Variants in VWDE observed in about 807,000 individuals in gnomAD.
The protein encoded by VWDE is von Willebrand factor D and EGF domain-containing protein.
VWDE carries 207 observed loss-of-function variants against 178.4 expected under a neutral mutation model. That is an observed-to-expected ratio of 1.16 (90% confidence interval 1.04 to 1.30). The LOEUF (loss-of-function observed/expected upper bound fraction) is 1.30, where lower values mean the gene tolerates loss of function less well. Among genes scored for constraint, VWDE ranks in the 50% most tolerant of loss-of-function variants. VWDE has a pLI of 0.00. For missense variants in VWDE, 2,287 were observed against 1,901.3 expected, an observed-to-expected ratio of 1.20 and a Z score of -3.77; for synonymous variants, 738 against 651.4, an observed-to-expected ratio of 1.13 and a Z score of -2.02.
At chr7:12,403,601 C>G in intron 1 of VWDE, 58 bp downstream of exon 1, 1 of 1,506,094 alleles carries the variant, frequency 6.6e-7, no homozygotes, top group Non-Finnish European at 8.9e-7. Context: ...AGCCTAGTCC[C>G]TCTACCGCCC....
chr7:12,397,505 G>C (rs1784685851), intron 1 of VWDE, among the ~76,000 whole-genome samples: 1 of 152,070 alleles, frequency 6.6e-6, no homozygotes, highest in African/African-American at 2.4e-5. Context: ...CTGGACATGG[G>C]CCTTGGCAAA....
intron 3 of VWDE, among the ~76,000 whole-genome samples, chr7:12,385,370 A>C (rs1283614724): frequency 3.3e-5 from 5 of 152,352 alleles, no homozygotes; most frequent in Middle Eastern, 3.4e-3. Flanking sequence ...TCGAAGATAG[A>C]GATGATCCTG....
intron 16 of VWDE, among the ~76,000 whole-genome samples, chr7:12,358,384 A>AGG: frequency 6.9e-6 from 1 of 144,254 alleles, no homozygotes; most frequent in African/African-American, 2.8e-5. Flanking sequence ...AAAAAATAAA[A>AGG]GGTGGGGGGG....
At chr7:12,347,660 A>G (rs2128548734) in intron 19 of VWDE, among the ~76,000 whole-genome samples, 1 of 152,258 alleles carries the variant, frequency 6.6e-6, no homozygotes, top group Middle Eastern at 3.4e-3. Context: ...AAGGTAATTT[A>G]TAGATTCAAT....
rs960335071 is a variant in VWDE, at chr7:12,338,006, T to C, written c.4367-734A>G. On this transcript the variant is annotated intron_variant, in intron 24 of 28. Transcript: ENST00000275358. The stretch of plus-strand genomic sequence containing the variant: ...CAAGCCTGTCCAGAAAATTTAAAAT[T>C]TAATTTCTTCCTAAATAATAATTAA... 7.9e-5 allele frequency among the ~76,000 whole-genome samples: 12 copies of C among 152,104 alleles called. 2 individuals are homozygous for C. The highest frequency in any genetic ancestry group is 3.3e-4 in the Admixed American group (5 of 15,264).
chr7:12,362,960 C>T (rs7796884), intron 13 of VWDE, among the ~76,000 whole-genome samples: 30,713 of 151,930 alleles, frequency 0.2, 3,421 homozygotes, highest in Non-Finnish European at 0.25. Flanking sequence ...AGAGATTATT[C>T]CCAACTTTCT....
At chr7:12,347,637 G>C (rs946916976) in intron 19 of VWDE, among the ~76,000 whole-genome samples, 1 of 151,968 alleles carries the variant, frequency 6.6e-6, no homozygotes, top group Non-Finnish European at 1.5e-5. Flanking sequence ...TCGTGAAAAT[G>C]GCCATACTGC....
In VWDE at chr7:12,374,707, A is replaced by G; in HGVS notation, c.1298T>C (p.Ile433Thr). The G allele has an allele frequency of 1.3e-6, 2 of 1,537,804 alleles. No individual in the cohort carries two copies. The highest frequency in any genetic ancestry group is 1.8e-6 in the Non-Finnish European group (2 of 1,141,786). ...AAATTACCTGCCATCAAATGTAATTATATGTGGGTCAGTAAATGTATAGCA... is the reference window on the plus strand; with the variant it reads ...AAATTACCTGCCATCAAATGTAATTGTATGTGGGTCAGTAAATGTATAGCA... Reference protein sequence around the residue: ...AYCYTFTDPHIITFDGRVYDN... With the variant: ...AYCYTFTDPHTITFDGRVYDN... Residue 433 changes from isoleucine (I) to threonine (T), a missense_variant, in exon 9 of 29, where the codon ATA becomes ACA. By Grantham distance (89) the Ile-to-Thr change is moderately conservative. Transcript: ENST00000275358.
chr7:12,359,084 A>G (rs1782431481), intron 16 of VWDE, among the ~76,000 whole-genome samples: 1 of 152,200 alleles, frequency 6.6e-6, no homozygotes, highest in South Asian at 2.1e-4. Context: ...ATATGGAACC[A>G]ACATAGCTCT....
chr7:12,359,318 A>G (rs1188612252), intron 16 of VWDE, among the ~76,000 whole-genome samples: 1 of 152,210 alleles, frequency 6.6e-6, no homozygotes, highest in Non-Finnish European at 1.5e-5. Flanking sequence ...AAAACTGAAC[A>G]GAGGTAAGGC....
At chr7:12,344,571 T>C (rs1781503336) in intron 19 of VWDE, 102 bp from the exon 20 acceptor site, 6 of 846,356 alleles carry the variant, frequency 7.1e-6, no homozygotes, top group African/African-American at 3.4e-5. Flanking sequence ...GAAGTTTGAA[T>C]AGTTAACTAA....
intron 6 of VWDE, 32 bp downstream of exon 6, chr7:12,379,445 A>G: frequency 6.9e-7 from 1 of 1,456,190 alleles, no homozygotes; most frequent in Non-Finnish European, 9.4e-7. Context: ...CCAGAGGAAT[A>G]ATCTTTCTGA....
intron 1 of VWDE, among the ~76,000 whole-genome samples, chr7:12,400,443 G>A (rs927015212): frequency 2.0e-5 from 3 of 152,088 alleles, no homozygotes; most frequent in Admixed American, 2.0e-4. Flanking sequence ...AATAATTATA[G>A]ATAACTTAGA....
intron 2 of VWDE, among the ~76,000 whole-genome samples, chr7:12,391,309 C>G (rs1260936273): frequency 2.0e-5 from 3 of 152,056 alleles, no homozygotes; most frequent in Non-Finnish European, 2.9e-5. Context: ...TTATGTAAGT[C>G]CACGTGTATT....
rs149745933 is a variant in VWDE, at chr7:12,394,183, C to T, written c.59-405G>A. On this transcript the variant is annotated intron_variant, in intron 1 of 28. Transcript: ENST00000275358. ...CTACAACCAGTTTCTCCCAAAGTAG[C>T]CACATGCCTAAAAAATTCTATTTCT... Among the ~76,000 whole-genome samples the T allele has an allele frequency of 6.4e-3, 972 of 152,182 alleles. 12 individuals carry two copies. The highest frequency in any genetic ancestry group is 0.022 in the African/African-American group (898 of 41,510).
At chr7:12,394,397 G>C (rs1218615645) in intron 1 of VWDE, among the ~76,000 whole-genome samples, 1 of 152,138 alleles carries the variant, frequency 6.6e-6, no homozygotes, top group African/African-American at 2.4e-5. Context: ...GAGGGGAGCA[G>C]GTTTGAAGGG....
At chr7:12,387,918 T>C (rs1353499673) in intron 3 of VWDE, among the ~76,000 whole-genome samples, 1 of 152,168 alleles carries the variant, frequency 6.6e-6, no homozygotes, top group East Asian at 1.9e-4. Flanking sequence ...AATTTGCACT[T>C]ATCAATCTTC....
chr7:12,393,255 C>CA (rs775127605), intron 2 of VWDE, among the ~76,000 whole-genome samples: 10 of 152,184 alleles, frequency 6.6e-5, no homozygotes, highest in African/African-American at 1.2e-4. Flanking sequence ...ATTCAAAACT[C>CA]AGCTTTTTGA....
At chr7:12,384,641 C>T (rs969355275) in intron 3 of VWDE, among the ~76,000 whole-genome samples, 6 of 152,024 alleles carry the variant, frequency 3.9e-5, no homozygotes, top group African/African-American at 1.4e-4. Flanking sequence ...TAGTGAAACA[C>T]ACTATAATCT....
Sources: allele counts gnomAD v4.1 joint callset (sites outside exome capture counted in the v4.1 genomes callset), GRCh38; gene constraint gnomAD v4.1.1; transcripts MANE v1.5; gene names NCBI Gene and HGNC (gene_info 2026-07-23, HGNC 2026-07-21).